TMX4: variants seen among roughly 807,000 people sequenced by gnomAD.
The protein encoded by TMX4 is thioredoxin related transmembrane protein 4.
TMX4 carries 23 observed loss-of-function variants against 33.3 expected under a neutral mutation model. The ratio of observed to expected loss-of-function variants is 0.69; its 90% CI spans 0.50 to 0.98. The LOEUF is 0.98. Ranked by LOEUF, TMX4 falls within the 50% of genes least tolerant of loss-of-function variation. TMX4 has a pLI of 0.00. For synonymous variants in TMX4, 164 were observed against 161.5 expected, an observed-to-expected ratio of 1.02 and a Z score of -0.12; for missense variants, 399 against 448.9, an observed-to-expected ratio of 0.89 and a Z score of 1.01.
intron 2 of TMX4, among the ~76,000 whole-genome samples, chr20:8,005,402 A>G (rs145769337): frequency 6.6e-6 from 1 of 152,350 alleles, no homozygotes; most frequent in African/African-American, 2.4e-5. Context: ...TCTACATCTC[A>G]GCCATAAAAA....
chr20:8,002,889 A>T (rs2050713299), intron 2 of TMX4, among the ~76,000 whole-genome samples: 1 of 152,222 alleles, frequency 6.6e-6, no homozygotes, highest in Non-Finnish European at 1.5e-5. Flanking sequence ...CTGGATTAGT[A>T]AAAGTCAAAG....
At chr20:7,988,462 T>C (rs2050639965) in intron 5 of TMX4, among the ~76,000 whole-genome samples, 1 of 152,246 alleles carries the variant, frequency 6.6e-6, no homozygotes, top group Admixed American at 6.5e-5. Context: ...ACAAAGCTTG[T>C]AAACTGATTT....
At chr20:7,999,473 G>A (rs2050693138) in intron 4 of TMX4, among the ~76,000 whole-genome samples, 1 of 152,118 alleles carries the variant, frequency 6.6e-6, no homozygotes, top group South Asian at 2.1e-4. Context: ...AGTCATTGTG[G>A]CTTAGTGTAA....
intron 5 of TMX4, among the ~76,000 whole-genome samples, chr20:7,990,902 T>G (rs569827522): frequency 6.6e-6 from 1 of 152,220 alleles, no homozygotes; most frequent in Non-Finnish European, 1.5e-5. Context: ...CAGCCTCTTG[T>G]AGGATCTATG....
Position 7,982,038 on chromosome 20 carries a change from CACT to C in TMX4, c.*210_*212del. On this transcript the variant is annotated 3_prime_UTR_variant, in exon 8 of 8. Transcript: ENST00000246024. Reference sequence around the variant, plus strand: ...ATCCCAGTCTCCAAACAGATCCCAACACTACGTTTGTTTTTCTATATCCTGATT... The same window carrying C: ...ATCCCAGTCTCCAAACAGATCCCAACACGTTTGTTTTTCTATATCCTGATT... 1.8e-6 allele frequency: 1 copy of C among 559,282 alleles called. No homozygotes were observed. Among genetic ancestry groups the C allele is most frequent in the Non-Finnish European group, 3.1e-6 (1 of 319,236 alleles). 34.6% of individuals were successfully genotyped at this position (559,282 alleles called of 1,614,324 possible). A position where few individuals can be genotyped will look rare whatever the true frequency, so the allele number is the denominator to read the frequency against.
chr20:8,017,596 C>A (rs1480816421), intron 1 of TMX4, among the ~76,000 whole-genome samples: 1 of 152,140 alleles, frequency 6.6e-6, no homozygotes, highest in African/African-American at 2.4e-5. Flanking sequence ...GAGTTGAAGT[C>A]ATTAAAAATG....
intron 5 of TMX4, among the ~76,000 whole-genome samples, chr20:7,992,723 C>A (rs1258231574): frequency 6.6e-6 from 1 of 152,118 alleles, no homozygotes; most frequent in East Asian, 1.9e-4. Context: ...CCAGAATGTG[C>A]AACCTAGCAA....
intron 5 of TMX4, among the ~76,000 whole-genome samples, chr20:7,993,842 G>T (rs1053412136): frequency 6.6e-6 from 1 of 151,884 alleles, no homozygotes; most frequent in Non-Finnish European, 1.5e-5. Flanking sequence ...TCTTTTATGT[G>T]CAACTCTCTT....
rs1190664826 is a variant in TMX4, at chr20:7,981,180, A to C, written c.*1071T>G. 1 of 152,202 alleles carries C rather than the reference A, an allele frequency of 6.6e-6. No homozygotes were observed. Among genetic ancestry groups the C allele is most frequent in the Non-Finnish European group, 1.5e-5 (1 of 68,042 alleles). The allele number at this position is 152,202 out of a possible 1,614,324, so 9.4% of individuals were successfully genotyped here. The stretch of plus-strand genomic sequence containing the variant: ...AAACAAAATCAAATCTTTCACTTTC[A>C]GGTACTGGAGTTCATTAATTCTTTC... On this transcript the variant is annotated 3_prime_UTR_variant, in exon 8 of 8. Transcript: ENST00000246024.
chr20:7,994,165 T>C (rs2050666514), intron 5 of TMX4, among the ~76,000 whole-genome samples: 1 of 152,176 alleles, frequency 6.6e-6, no homozygotes, highest in Non-Finnish European at 1.5e-5. Flanking sequence ...TTTTAGTTTA[T>C]CTTATAAAAT....
chr20:8,001,426 A>G (rs1009877176), intron 3 of TMX4, 70 bp downstream of exon 3: 2 of 1,468,910 alleles, frequency 1.4e-6, no homozygotes, highest in African/African-American at 2.8e-5. Context: ...CATGGAAGAC[A>G]ACTTAGAATT....
At chr20:7,996,222 T>C (rs910414838) in intron 4 of TMX4, 151 bp from the exon 5 acceptor site, 2 of 608,740 alleles carry the variant, frequency 3.3e-6, no homozygotes, top group Admixed American at 3.1e-5. Flanking sequence ...AGAGCTTAGA[T>C]TCAGTGGCTA....
Position 7,983,799 on chromosome 20 carries a change from C to G in TMX4, c.674G>C (p.Arg225Pro). 6.2e-7 allele frequency: 1 copy of G among 1,613,150 alleles called. No homozygotes were observed. Among genetic ancestry groups the G allele is most frequent in the Non-Finnish European group, 8.5e-7 (1 of 1,179,568 alleles). The change falls in exon 7 of 8, where the codon CGT (arginine) becomes CCT (proline). Residue 225 changes from arginine (R) to proline (P), a missense_variant. Arg to Pro is a moderately radical substitution (Grantham distance 103). Coordinates refer to ENST00000246024, the MANE Select transcript of TMX4 (RefSeq NM_021156.4). Reference protein sequence around the residue: ...YVPLPRHLSERSEQNRRSEEA... With the variant: ...YVPLPRHLSEPSEQNRRSEEA... ...CAGGAGCTTATCGTACTTACCAGAA[C>G]GCTCAGATAAATGCCTTGGAAGTGG...
chr20:8,009,727 C>T (rs1433425981), intron 2 of TMX4, among the ~76,000 whole-genome samples: 1 of 151,858 alleles, frequency 6.6e-6, no homozygotes, highest in Admixed American at 6.6e-5. Context: ...CCTAGGAAAA[C>T]TGTAGCTTTT....
At position 8,001,469 on chromosome 20, in the gene TMX4, CA is replaced by C. The variant is rs775928826; in HGVS notation, c.338+26del. 27 of 1,569,568 alleles carry C rather than the reference CA, an allele frequency of 1.7e-5. No individual in the cohort carries two copies. In the African/African-American group the frequency reaches 2.9e-4, roughly 17 times the overall value. ...CACATCTATTGATTTCTAATATTTGCAAGATTAGAAGATTATTTAAACTTAC... is the reference window on the plus strand; with the variant it reads ...CACATCTATTGATTTCTAATATTTGCAGATTAGAAGATTATTTAAACTTAC... On this transcript the variant is annotated intron_variant, in intron 3 of 7. Transcript: ENST00000246024.
chr20:8,015,803 C>G (rs999972842), intron 1 of TMX4, among the ~76,000 whole-genome samples: 1 of 152,178 alleles, frequency 6.6e-6, no homozygotes, highest in African/African-American at 2.4e-5. Context: ...CAAAGCTTTG[C>G]TCCATCACCA....
Position 8,018,339 on chromosome 20 carries a change from GA to G in TMX4, c.176+1098del, listed in dbSNP as rs1392551768. ...AGAGAGAGACAGAGAGAGAGAGAGA[GA>G]GAGAGGAGGGAGAGAGAGAGAGAGA... On this transcript the variant is annotated intron_variant, in intron 1 of 7. Transcript: ENST00000246024. Among the ~76,000 whole-genome samples the G allele has an allele frequency of 1.1e-3, 119 of 109,304 alleles. 3 individuals carry two copies. Among genetic ancestry groups the G allele is most frequent in the East Asian group, 6.6e-3 (8 of 1,204 alleles). 71.7% of individuals were successfully genotyped at this position (109,304 alleles called of 152,430 possible). A position where few individuals can be genotyped will look rare whatever the true frequency, so the allele number is the denominator to read the frequency against.
At chr20:7,989,871 A>C (rs1038070661) in intron 5 of TMX4, among the ~76,000 whole-genome samples, 2 of 152,216 alleles carry the variant, frequency 1.3e-5, no homozygotes, top group Non-Finnish European at 2.9e-5. Context: ...TCACTTGTGG[A>C]AAATACTGAT....
At position 8,000,993 on chromosome 20, in the gene TMX4, C is replaced by A. The variant is rs1179539232; in HGVS notation, c.338+503G>T. Among the ~76,000 whole-genome samples the A allele has an allele frequency of 2.6e-5, 4 of 152,140 alleles. No homozygotes were observed. The East Asian group carries it at 7.7e-4, about 29-fold the overall frequency. On this transcript the variant is annotated intron_variant, in intron 3 of 7. Coordinates refer to ENST00000246024, the MANE Select transcript of TMX4 (RefSeq NM_021156.4). ...TCCCACAGCTAATCAGTCACCAAGT[C>A]CCACTGATCCTACCTCCTAAGTATC...
Sources: allele counts gnomAD v4.1 joint callset (sites outside exome capture counted in the v4.1 genomes callset), GRCh38; gene constraint gnomAD v4.1.1; transcripts MANE v1.5; gene names NCBI Gene and HGNC (gene_info 2026-07-23, HGNC 2026-07-21).